Variants in RAB6D observed in about 807,000 individuals in gnomAD.
The protein encoded by RAB6D is ras-related protein Rab-6D.
Under a neutral mutation model 17.5 loss-of-function variants are expected in RAB6D, and 11 were observed. That is an observed-to-expected ratio of 0.63 (90% CI 0.39 to 1.04). The LOEUF is 1.04. Among genes scored for constraint, RAB6D ranks in the 50% least tolerant of loss-of-function variants. The probability of loss-of-function intolerance (pLI) is 0.00; values close to 1 mark genes in which losing one functional copy is unlikely to be tolerated. For missense variants in RAB6D, 163 were observed against 315.1 expected, an observed-to-expected ratio of 0.52 and a Z score of 3.65; for synonymous variants, 68 against 122.6, an observed-to-expected ratio of 0.55 and a Z score of 2.94.
chr2:131,364,026 T>G lies in RAB6D; in HGVS notation c.-306A>C, dbSNP rs113484007. On this transcript the variant is annotated 5_prime_UTR_variant, in exon 1 of 1. Coordinates refer to ENST00000623617, the MANE Select transcript of RAB6D (RefSeq NM_001077637.3). ...AAGGCTAGGGCCGTTCCCTTCTTCC[T>G]CACCCGGCTCCAAGACCTGCGGGAG... 4.5e-4 allele frequency: 194 copies of G among 433,460 alleles called. 1 individual carries two copies. The highest frequency in any genetic ancestry group is 3.3e-3 in the African/African-American group (165 of 50,142). The allele number at this position is 433,460 out of a possible 1,614,324, so 26.9% of individuals were successfully genotyped here.
rs2105215658 is a variant in RAB6D, at chr2:131,363,560, G to C, written c.161C>G (p.Thr54Ser). The change falls in exon 1 of 1, where the codon ACT becomes AGT. Residue 54 changes from threonine (T) to serine (S), a missense_variant. By Grantham distance (58) the Thr-to-Ser change is moderately conservative (BLOSUM62 1). Transcript: ENST00000623617. ...AIIGIDFLSK[T>S]MYLEDGTIGL... ...GATTGTTCCATCCTCCAAGTACATAGTTTTTGATAAAAAGTCAATGCCAAT... is the reference window on the plus strand; with the variant it reads ...GATTGTTCCATCCTCCAAGTACATACTTTTTGATAAAAAGTCAATGCCAAT... 1 of 1,580,606 alleles carries C rather than the reference G, an allele frequency of 6.3e-7. No homozygotes were observed. Among genetic ancestry groups the C allele is most frequent in the Non-Finnish European group, 8.7e-7 (1 of 1,153,388 alleles).
In RAB6D at chr2:131,362,997, T is replaced by C. The variant is rs762418784; in HGVS notation, c.724A>G (p.Thr242Ala). 4 of 1,604,214 alleles carry C rather than the reference T, an allele frequency of 2.5e-6. No individual in the cohort carries two copies. The highest frequency in any genetic ancestry group is 3.4e-6 in the Non-Finnish European group (4 of 1,173,356). The change falls in exon 1 of 1, where the codon ACG becomes GCG. Residue 242 changes from threonine (T) to alanine (A), a missense_variant. Around this residue, in one of 2 missense-constraint regions of RAB6D, gnomAD observed 144 missense variants for 244.4 expected, o/e 0.59. Transcript: ENST00000623617. ...IGLNLFPSLI[T>A]FCNSSLLPVS... ...GGCAGCAATGATGAATTGCAAAACG[T>C]TATTAATGAAGGGAAAAGGTTCAAG...
rs201410426 is a variant in RAB6D, at chr2:131,363,424, G to T, written c.297C>A (p.Asn99Lys). The T allele has an allele frequency of 6.2e-7, 1 of 1,612,772 alleles. No homozygotes were observed. Among genetic ancestry groups the T allele is most frequent in the Non-Finnish European group, 8.5e-7 (1 of 1,179,882 alleles). ...AVVVYDITNV[N>K]SFQQTTKWID... Reference sequence around the variant, plus strand: ...TCCACTTTGTAGTTTGCTGGAATGAGTTAACATTTGTGATATCGTAAACTA... The same window carrying T: ...TCCACTTTGTAGTTTGCTGGAATGATTTAACATTTGTGATATCGTAAACTA... The change falls in exon 1 of 1, where the codon AAC becomes AAA. Residue 99 changes from asparagine (N) to lysine (K), a missense_variant. This residue lies in a region of RAB6D where 144 missense variants were observed against 244.4 expected (regional missense o/e 0.59). Transcript: ENST00000623617.
chr2:131,362,794 C>T lies in RAB6D; in HGVS notation c.*162G>A. The T allele has an allele frequency of 2.5e-6, 2 of 812,954 alleles. No homozygotes were observed. The highest frequency in any genetic ancestry group is 2.7e-5 in the East Asian group (1 of 37,070). 50.4% of individuals were successfully genotyped at this position (812,954 alleles called of 1,614,324 possible). A position where few individuals can be genotyped will look rare whatever the true frequency, so the allele number is the denominator to read the frequency against. On this transcript the variant is annotated 3_prime_UTR_variant, in exon 1 of 1. Transcript: ENST00000623617. ...ATACTCATACTGTTGAGATTTCCAT[C>T]ATTTTGAAGTACATTATCATAACAT... is the stretch of plus-strand genomic sequence containing the variant.
In RAB6D at chr2:131,363,463, A is replaced by T. The variant is rs1208300119; in HGVS notation, c.258T>A (p.Ser86=). The change falls in exon 1 of 1, where the codon TCT becomes TCA. Residue 86 remains serine, a synonymous_variant. Coordinates refer to ENST00000623617, the MANE Select transcript of RAB6D (RefSeq NM_001077637.3). The part of the protein sequence containing the change: ...RSLIPRYIRD[S]AAAVVVYDIT... The stretch of plus-strand genomic sequence containing the variant: ...TATCGTAAACTACTACAGCTGCAGC[A>T]GAATCACGGATGTACCTGGGAATGA... 3 of 1,609,260 alleles carry T rather than the reference A, an allele frequency of 1.9e-6. No individual in the cohort carries two copies. Among genetic ancestry groups the T allele is most frequent in the Non-Finnish European group, 2.5e-6 (3 of 1,178,134 alleles).
rs2105215020 is a variant in RAB6D at position 131,362,736 on chromosome 2, C to T, written c.*220G>A. On this transcript the variant is annotated 3_prime_UTR_variant, in exon 1 of 1. Coordinates refer to ENST00000623617, the MANE Select transcript of RAB6D (RefSeq NM_001077637.3). ...GTGAGAAGAGCAAGGAGAGATAAAG[C>T]AGGCTGTGAACATACTGCTCGTTAA... 1.9e-6 allele frequency: 1 copy of T among 524,064 alleles called. No homozygotes were observed. Among genetic ancestry groups the T allele is most frequent in the African/African-American group, 1.9e-5 (1 of 52,052 alleles). 32.5% of individuals were successfully genotyped at this position (524,064 alleles called of 1,614,324 possible).
In RAB6D at chr2:131,363,317, T is replaced by C. The variant is rs751718878; in HGVS notation, c.404A>G (p.Gln135Arg). 3 of 1,614,088 alleles carry C rather than the reference T, an allele frequency of 1.9e-6. No individual in the cohort carries two copies. The African/African-American group carries it at 4.0e-5, about 22-fold the overall frequency. Residue 135 changes from glutamine (Q) to arginine (R), a missense_variant, in exon 1 of 1, where the codon CAA becomes CGA. By Grantham distance (43) the Gln-to-Arg change is conservative. Coordinates refer to ENST00000623617, the MANE Select transcript of RAB6D (RefSeq NM_001077637.3). ...CCTCTCTCCCTCCTCAATTGACACT[T>C]GCCTCTTGTCAGCAAGATCTGTTTT... Reference protein sequence around the residue: ...GNKTDLADKRQVSIEEGERKA... With the variant: ...GNKTDLADKRRVSIEEGERKA...
rs919661029 is a variant in RAB6D, at chr2:131,363,898, G to A, written c.-178C>T. Reference sequence around the variant, plus strand: ...CAGGACTCTCCACAGACTGGCAGCCGCCGCCGCCTCCCGGCAGAGTAGCCG... The same window carrying A: ...CAGGACTCTCCACAGACTGGCAGCCACCGCCGCCTCCCGGCAGAGTAGCCG... On this transcript the variant is annotated 5_prime_UTR_variant, in exon 1 of 1. Coordinates refer to ENST00000623617, the MANE Select transcript of RAB6D (RefSeq NM_001077637.3). 5.3e-6 allele frequency: 6 copies of A among 1,136,112 alleles called. No individual in the cohort carries two copies. The highest frequency in any genetic ancestry group is 4.9e-5 in the South Asian group (3 of 60,662). The allele number at this position is 1,136,112 out of a possible 1,614,324, so 70.4% of individuals were successfully genotyped here. A position where few individuals can be genotyped will look rare whatever the true frequency, so the allele number is the denominator to read the frequency against.
Position 131,363,357 on chromosome 2 carries a change from T to C in RAB6D, c.364A>G (p.Thr122Ala), listed in dbSNP as rs781746054. Residue 122 changes from threonine to alanine, a missense_variant, in exon 1 of 1, where the codon ACG (threonine) becomes GCG (alanine). Transcript: ENST00000623617. ...RTEGGSDVII[T>A]LVGNKTDLAD... is the part of the protein sequence containing the mutation. The stretch of plus-strand genomic sequence containing the variant: ...AGATCTGTTTTATTTCCTACTAGCG[T>C]GATGATAACATCACTTCCTCCTTCT... 3 of 1,614,130 alleles carry C rather than the reference T, an allele frequency of 1.9e-6. No individual in the cohort carries two copies. Among genetic ancestry groups the C allele is most frequent in the Non-Finnish European group, 2.5e-6 (3 of 1,180,046 alleles).
chr2:131,362,842 G>GA lies in RAB6D; in HGVS notation c.*113dup, dbSNP rs1266641682. 6.9e-7 allele frequency: 1 copy of GA among 1,440,030 alleles called. No individual in the cohort carries two copies. Among genetic ancestry groups the GA allele is most frequent in the African/African-American group, 1.4e-5 (1 of 69,554 alleles). 89.2% of individuals were successfully genotyped at this position (1,440,030 alleles called of 1,614,324 possible). Reference sequence around the variant, plus strand: ...CATTAAAAAAGAAAAAAAATGTTAAGAAAATGTATCTAATTTTTAAAGTTA... The same window carrying GA: ...CATTAAAAAAGAAAAAAAATGTTAAGAAAAATGTATCTAATTTTTAAAGTTA... On this transcript the variant is annotated 3_prime_UTR_variant, in exon 1 of 1. Transcript: ENST00000623617.
chr2:131,363,814 G>A lies in RAB6D; in HGVS notation c.-94C>T, dbSNP rs527881237. 2,829 of 1,030,076 alleles carry A rather than the reference G, an allele frequency of 2.7e-3. 52 individuals carry two copies. The highest frequency in any genetic ancestry group is 9.1e-3 in the East Asian group (357 of 39,128). 63.8% of individuals were successfully genotyped at this position (1,030,076 alleles called of 1,614,324 possible). A position where few individuals can be genotyped will look rare whatever the true frequency, so the allele number is the denominator to read the frequency against. On this transcript the variant is annotated 5_prime_UTR_variant, in exon 1 of 1. Transcript: ENST00000623617. ...TGACGAAAAAGGCGAGCGGAAGGGC[G>A]GGCGCCGAGCTCTCTGCGCCCCTGC...
rs1559281761 is a variant in RAB6D at position 131,361,015 on chromosome 2, A to C, written c.*1941T>G. ...CAGTATAACTGCTTACTTTTTAAAA[A>C]ATACATAAAAAGAATCAAATGCAAC... On this transcript the variant is annotated 3_prime_UTR_variant, in exon 1 of 1. Transcript: ENST00000623617. 6.0e-6 allele frequency: 1 copy of C among 166,780 alleles called. No homozygotes were observed. Among genetic ancestry groups the C allele is most frequent in the Non-Finnish European group, 1.5e-5 (1 of 68,086 alleles). 10.3% of individuals were successfully genotyped at this position (166,780 alleles called of 1,614,324 possible). A position where few individuals can be genotyped will look rare whatever the true frequency, so the allele number is the denominator to read the frequency against.
Position 131,363,255 on chromosome 2 carries a change from T to G in RAB6D, c.466A>C (p.Arg156=), listed in dbSNP as rs1487163304. The G allele has an allele frequency of 1.9e-6, 3 of 1,613,844 alleles. No individual in the cohort carries two copies. The highest frequency in any genetic ancestry group is 2.5e-6 in the Non-Finnish European group (3 of 1,180,006). The change falls in exon 1 of 1, where the codon AGG becomes CGG. Residue 156 remains arginine (R), a synonymous_variant. Transcript: ENST00000623617. The part of the protein sequence containing the change: ...KGLNVTFIET[R]AKAGYNVKQL... ...TTTACATTGTATCCAGCTTTTGCCC[T>G]AGTTTCAATAAACGTAACATTCAGC...
Position 131,363,580 on chromosome 2 carries a change from G to T in RAB6D, c.141C>A (p.Gly47=). 2 of 1,542,802 alleles carry T rather than the reference G, an allele frequency of 1.3e-6. No homozygotes were observed. The highest frequency in any genetic ancestry group is 1.1e-5 in the South Asian group (1 of 88,418). Reference sequence around the variant, plus strand: ...ACATAGTTTTTGATAAAAAGTCAATGCCAATTATTGCCTGATAGGTGTTGT... The same window carrying T: ...ACATAGTTTTTGATAAAAAGTCAATTCCAATTATTGCCTGATAGGTGTTGT... ...SFDNTYQAII[G]IDFLSKTMYL... The change falls in exon 1 of 1, where the codon GGC becomes GGA. Residue 47 remains glycine (G), a synonymous_variant. Transcript: ENST00000623617.
At position 131,362,709 on chromosome 2, in the gene RAB6D, A is replaced by G; in HGVS notation, c.*247T>C. ...GGAAATAGGGAACGGGGTAAGGGAG[A>G]GGTGAGAAGAGCAAGGAGAGATAAA... On this transcript the variant is annotated 3_prime_UTR_variant, in exon 1 of 1. Coordinates refer to ENST00000623617, the MANE Select transcript of RAB6D (RefSeq NM_001077637.3). The G allele has an allele frequency of 5.3e-6, 2 of 379,528 alleles. No individual in the cohort carries two copies. Among genetic ancestry groups the G allele is most frequent in the South Asian group, 3.5e-5 (1 of 28,914 alleles). 23.5% of individuals were successfully genotyped at this position (379,528 alleles called of 1,614,324 possible).
At position 131,362,215 on chromosome 2, in the gene RAB6D, C is replaced by T. The variant is rs1336156058; in HGVS notation, c.*741G>A. The T allele has an allele frequency of 6.0e-6, 1 of 166,740 alleles. No individual in the cohort carries two copies. The highest frequency in any genetic ancestry group is 1.9e-4 in the East Asian group (1 of 5,202). The allele number at this position is 166,740 out of a possible 1,614,324, so 10.3% of individuals were successfully genotyped here. A position where few individuals can be genotyped will look rare whatever the true frequency, so the allele number is the denominator to read the frequency against. ...AGAGGTTTCTTATTTTTTAAACAAACAGAATAACTCTTGACAATTTTAAAA... is the reference window on the plus strand; with the variant it reads ...AGAGGTTTCTTATTTTTTAAACAAATAGAATAACTCTTGACAATTTTAAAA... On this transcript the variant is annotated 3_prime_UTR_variant, in exon 1 of 1. Coordinates refer to ENST00000623617, the MANE Select transcript of RAB6D (RefSeq NM_001077637.3).
Position 131,361,689 on chromosome 2 carries a change from AGTT to A in RAB6D, c.*1264_*1266del, listed in dbSNP as rs897368194. 13 of 80,696 alleles carry A rather than the reference AGTT, an allele frequency of 1.6e-4. No homozygotes were observed. Among genetic ancestry groups the A allele is most frequent in the African/African-American group, 4.0e-4 (13 of 32,500 alleles). 5.0% of individuals were successfully genotyped at this position (80,696 alleles called of 1,614,324 possible). ...TTCAACGAAACATCTAAAAATTGAAAGTTGTTAAAAAAAAAGCAAAGAAATATC... is the reference window on the plus strand; with the variant it reads ...TTCAACGAAACATCTAAAAATTGAAAGTTAAAAAAAAAGCAAAGAAATATC... On this transcript the variant is annotated 3_prime_UTR_variant, in exon 1 of 1. Transcript: ENST00000623617.
In RAB6D at chr2:131,361,702, AAAGC is replaced by A; in HGVS notation, c.*1250_*1253del. 6.0e-6 allele frequency: 1 copy of A among 166,828 alleles called. No individual in the cohort carries two copies. Among genetic ancestry groups the A allele is most frequent in the Admixed American group, 6.6e-5 (1 of 15,240 alleles). 10.3% of individuals were successfully genotyped at this position (166,828 alleles called of 1,614,324 possible). On this transcript the variant is annotated 3_prime_UTR_variant, in exon 1 of 1. Transcript: ENST00000623617. Reference sequence around the variant, plus strand: ...CTAAAAATTGAAAGTTGTTAAAAAAAAAGCAAAGAAATATCACCAAAGAAAAAAG... The same window carrying A: ...CTAAAAATTGAAAGTTGTTAAAAAAAAAAGAAATATCACCAAAGAAAAAAG...
Position 131,362,528 on chromosome 2 carries a change from A to G in RAB6D, c.*428T>C, listed in dbSNP as rs987326590. 3.4e-5 allele frequency: 7 copies of G among 204,124 alleles called. No homozygotes were observed. Among genetic ancestry groups the G allele is most frequent in the Non-Finnish European group, 5.5e-5 (5 of 91,052 alleles). 12.6% of individuals were successfully genotyped at this position (204,124 alleles called of 1,614,324 possible). On this transcript the variant is annotated 3_prime_UTR_variant, in exon 1 of 1. Transcript: ENST00000623617. Reference sequence around the variant, plus strand: ...CTCAAAGAGGATCTAAGTAATTTATATCAGTGCTCAAGAATAATTCTGGAC... The same window carrying G: ...CTCAAAGAGGATCTAAGTAATTTATGTCAGTGCTCAAGAATAATTCTGGAC...
Sources: gnomAD v4.1 joint callset for allele counts on GRCh38, gnomAD v4.1.1 for gene constraint, gnomAD v4.1.1 regional missense constraint, MANE v1.5 for transcripts, NCBI Gene and HGNC (gene_info 2026-07-23, HGNC 2026-07-21) for gene names.